FKBP5: variants seen among roughly 807,000 people sequenced by gnomAD.
FKBP5 encodes the protein FKBP prolyl isomerase 5.
Under a neutral mutation model 50.5 loss-of-function variants are expected in FKBP5, and 23 were observed. The observed-to-expected ratio is 0.46, with a 90% CI of 0.33 to 0.65. The LOEUF (loss-of-function observed/expected upper bound fraction) is 0.65. Ranked by LOEUF, FKBP5 falls within the 30% of genes least tolerant of loss-of-function variation. The pLI, the probability that FKBP5 is intolerant of heterozygous loss-of-function variation, is 0.02. For synonymous variants in FKBP5, 176 were observed against 190.6 expected (o/e 0.92, Z 0.63); for missense variants, 411 against 553.1 (o/e 0.74, Z 2.58).
chr6:35,624,446 G>A (rs148197313), intron 3 of FKBP5, among the ~76,000 whole-genome samples: 131 of 152,072 alleles, frequency 8.6e-4, no homozygotes, highest in African/African-American at 2.9e-3. Context: ...AGGTTGCAGT[G>A]AGCTGAGATC....
intron 5 of FKBP5, among the ~76,000 whole-genome samples, chr6:35,605,887 G>A (rs931942314): frequency 6.6e-6 from 1 of 152,170 alleles, no homozygotes; most frequent in African/African-American, 2.4e-5. Context: ...GAAACCAGAC[G>A]TCTACCTCTC....
chr6:35,691,768 G>T (rs147353811), upstream of FKBP5, among the ~76,000 whole-genome samples: 2 of 152,224 alleles, frequency 1.3e-5, no homozygotes, highest in East Asian at 1.9e-4. Flanking sequence ...GATGACATGC[G>T]CTATGGCTGC....
At chr6:35,683,672 T>C (rs932951697) in intron 1 of FKBP5, among the ~76,000 whole-genome samples, 2 of 139,264 alleles carry the variant, frequency 1.4e-5, no homozygotes, top group African/African-American at 5.4e-5. Flanking sequence ...AGAGATGGGG[T>C]TTTGCCATGT....
chr6:35,589,128 A>ATATATATATTTT (rs1427010607), intron 7 of FKBP5, among the ~76,000 whole-genome samples: 3 of 121,562 alleles, frequency 2.5e-5, no homozygotes, highest in African/African-American at 9.6e-5. Flanking sequence ...ATATATATAT[A>ATATATATATTTT]TTTTTTTTTT....
At chr6:35,587,745 T>A (rs1762648459) in intron 7 of FKBP5, among the ~76,000 whole-genome samples, 1 of 152,188 alleles carries the variant, frequency 6.6e-6, no homozygotes, top group Non-Finnish European at 1.5e-5. Flanking sequence ...TTCATTATCA[T>A]CTGCTAGCTT....
At chr6:35,708,215 G>T (rs903267264) in intron 2 of FKBP5, among the ~76,000 whole-genome samples, 1 of 152,084 alleles carries the variant, frequency 6.6e-6, no homozygotes, top group African/African-American at 2.4e-5. Context: ...AATAACTTAA[G>T]GTCTGCCAAC....
chr6:35,674,660 A>T (rs939208965), intron 1 of FKBP5, among the ~76,000 whole-genome samples: 2 of 152,226 alleles, frequency 1.3e-5, no homozygotes, highest in Non-Finnish European at 2.9e-5. Flanking sequence ...TTTTACATGT[A>T]TTAACTCATT....
chr6:35,622,453 G>C (rs981415075), intron 3 of FKBP5, among the ~76,000 whole-genome samples: 19 of 151,762 alleles, frequency 1.3e-4, no homozygotes, highest in Admixed American at 6.6e-4. Context: ...AGAGGCTACA[G>C]TGAGCAATGA....
intron 1 of FKBP5, among the ~76,000 whole-genome samples, chr6:35,651,225 TAAG>T (rs1247409560): frequency 6.6e-6 from 1 of 152,248 alleles, no homozygotes; most frequent in Non-Finnish European, 1.5e-5. Flanking sequence ...TTTGGGAAGA[TAAG>T]AAGGAATTTT....
At chr6:35,723,778 A>C (rs2151025476) in intron 1 of FKBP5, among the ~76,000 whole-genome samples, 1 of 152,362 alleles carries the variant, frequency 6.6e-6, no homozygotes, top group East Asian at 1.9e-4. Flanking sequence ...GGGTAGGCAG[A>C]TAAGGCTGGC....
intron 8 of FKBP5, chr6:35,580,862 G>A (rs1762407215): frequency 6.1e-6 from 6 of 985,270 alleles, no homozygotes; most frequent in Non-Finnish European, 7.2e-6. Flanking sequence ...CTTTCAAAAG[G>A]ATTGTGAGCA....
At chr6:35,649,296 T>A (rs1764720142) in intron 1 of FKBP5, among the ~76,000 whole-genome samples, 2 of 151,962 alleles carry the variant, frequency 1.3e-5, no homozygotes, top group South Asian at 4.1e-4. Context: ...TTTTTTATTT[T>A]ACATATTCTT....
chr6:35,692,904 A>T (rs545101289), upstream of FKBP5, among the ~76,000 whole-genome samples: 77 of 151,190 alleles, frequency 5.1e-4, no homozygotes, highest in Middle Eastern at 3.4e-3. Context: ...CTCAGACATT[A>T]TATGTTCAAA....
intron 2 of FKBP5, among the ~76,000 whole-genome samples, chr6:35,715,900 C>A (rs889072862): frequency 4.6e-5 from 7 of 152,154 alleles, no homozygotes; most frequent in African/African-American, 9.7e-5. Flanking sequence ...CCATTAGAAA[C>A]CCTGGGAGGG....
intron 5 of FKBP5, among the ~76,000 whole-genome samples, chr6:35,618,689 A>G (rs1305804384): frequency 1.3e-5 from 2 of 150,318 alleles, no homozygotes; most frequent in Non-Finnish European, 3.0e-5. Context: ...ACTATCTTTG[A>G]GATATATTCA....
chr6:35,630,679 G>A (rs1199928851), intron 3 of FKBP5, among the ~76,000 whole-genome samples: 3 of 152,196 alleles, frequency 2.0e-5, no homozygotes, highest in Non-Finnish European at 4.4e-5. Flanking sequence ...AAGACTACCT[G>A]GATTTGAATC....
At chr6:35,625,818 C>T (rs1021671951) in intron 3 of FKBP5, among the ~76,000 whole-genome samples, 11 of 150,258 alleles carry the variant, frequency 7.3e-5, no homozygotes, top group Non-Finnish European at 1.5e-4. Context: ...CTCGCTCTGT[C>T]GCCCAGGCTG....
intron 5 of FKBP5, among the ~76,000 whole-genome samples, chr6:35,609,518 C>G (rs1376435278): frequency 6.6e-6 from 1 of 152,164 alleles, no homozygotes; most frequent in South Asian, 2.1e-4. Context: ...GGGTGAAAAA[C>G]CACTCCTTCC....
intron 5 of FKBP5, among the ~76,000 whole-genome samples, chr6:35,611,273 T>C (rs1479547450): frequency 1.3e-5 from 2 of 152,210 alleles, no homozygotes; most frequent in East Asian, 3.8e-4. Flanking sequence ...GTTCCCTCCA[T>C]CTATCATTTC....
Sources: allele counts gnomAD v4.1 joint callset (sites outside exome capture counted in the v4.1 genomes callset), GRCh38; gene constraint gnomAD v4.1.1; transcripts MANE v1.5; gene names NCBI Gene and HGNC (gene_info 2026-07-23, HGNC 2026-07-21).